TMEM132D: variants seen among roughly 807,000 people sequenced by gnomAD.
TMEM132D encodes the protein transmembrane protein 132D.
A neutral mutation model predicts 62.3 loss-of-function variants in TMEM132D; 21 were observed. The observed-to-expected ratio is 0.34, with a 90% CI of 0.24 to 0.49. The LOEUF (loss-of-function observed/expected upper bound fraction) is 0.49, where lower values mean the gene tolerates loss of function less well. TMEM132D is among the 20% of genes least tolerant of loss of function. The pLI is 0.99. For synonymous variants in TMEM132D, 621 were observed against 575.6 expected (o/e 1.08, Z -1.13); for missense variants, 1,346 against 1,402.8 (o/e 0.96, Z 0.65).
chr12:129,654,623 T>C (rs1037929468), intron 2 of TMEM132D, among the ~76,000 whole-genome samples: 2 of 152,182 alleles, frequency 1.3e-5, no homozygotes, highest in Admixed American at 6.5e-5. Flanking sequence ...ACAAAATTCA[T>C]GCTTTGTGAC....
intron 2 of TMEM132D, among the ~76,000 whole-genome samples, chr12:129,536,382 A>G (rs1876389891): frequency 6.6e-6 from 1 of 151,204 alleles, no homozygotes; most frequent in Admixed American, 6.6e-5. Context: ...ACTTTCTCTC[A>G]TTAATAGTGA....
intron 3 of TMEM132D, among the ~76,000 whole-genome samples, chr12:129,457,678 A>T (rs1873520641): frequency 6.6e-6 from 1 of 152,162 alleles, no homozygotes; most frequent in Non-Finnish European, 1.5e-5. Flanking sequence ...GGAAACTTAC[A>T]ATCATGTCGG....
At chr12:129,524,933 T>G (rs1282150285) in intron 3 of TMEM132D, among the ~76,000 whole-genome samples, 1 of 124,582 alleles carries the variant, frequency 8.0e-6, no homozygotes, top group Non-Finnish European at 1.7e-5. Flanking sequence ...TTTTCTTTTT[T>G]TTTTTTTTTT....
chr12:129,305,903 G>A (rs563985394), intron 4 of TMEM132D, among the ~76,000 whole-genome samples: 59 of 152,204 alleles, frequency 3.9e-4, no homozygotes, highest in South Asian at 1.9e-3. Flanking sequence ...ACAAAGCAGA[G>A]AGAGAAAAAA....
At chr12:129,419,120 G>A (rs547806491) in intron 3 of TMEM132D, among the ~76,000 whole-genome samples, 10 of 152,134 alleles carry the variant, frequency 6.6e-5, no homozygotes, top group Non-Finnish European at 1.0e-4. Context: ...GTGGGACTTC[G>A]TTATGTAAAA....
intron 4 of TMEM132D, among the ~76,000 whole-genome samples, chr12:129,310,001 T>C (rs1881934573): frequency 6.6e-6 from 1 of 151,864 alleles, no homozygotes; most frequent in Admixed American, 6.6e-5. Flanking sequence ...GCCAGACTCC[T>C]AAGCATTTCC....
intron 3 of TMEM132D, among the ~76,000 whole-genome samples, chr12:129,512,115 A>G (rs961915642): frequency 6.6e-6 from 1 of 152,174 alleles, no homozygotes; most frequent in African/African-American, 2.4e-5. Flanking sequence ...TACTCAAATA[A>G]TTCCTGATTA....
At chr12:129,257,065 T>C (rs1335699803) in intron 4 of TMEM132D, among the ~76,000 whole-genome samples, 5 of 152,104 alleles carry the variant, frequency 3.3e-5, no homozygotes, top group African/African-American at 9.7e-5. Context: ...ACACACAACA[T>C]ATCATGGGTG....
chr12:129,796,220 T>C (rs1871556701), intron 1 of TMEM132D, among the ~76,000 whole-genome samples: 1 of 152,032 alleles, frequency 6.6e-6, no homozygotes, highest in African/African-American at 2.4e-5. Context: ...AAGGAAAACA[T>C]CATATAAAAC....
In TMEM132D at chr12:129,228,109, G is replaced by A. The variant is rs1257731379; in HGVS notation, c.1300-18446C>T. On this transcript the variant is annotated intron_variant, in intron 4 of 8. Coordinates refer to ENST00000422113, the MANE Select transcript of TMEM132D (RefSeq NM_133448.3). ...TGGGTGGATGGTAACAAAACATGGT[G>A]TAGACAGTGTGAAGAAGCATGAGAC... 2.0e-5 allele frequency among the ~76,000 whole-genome samples: 3 copies of A among 151,990 alleles called. No homozygotes were observed. In the East Asian group the frequency reaches 5.9e-4, roughly 30 times the overall value.
Position 129,531,132 on chromosome 12 carries a change from G to C in TMEM132D, c.1042C>G (p.Arg348Gly). ...SSPSIWDVKE[R>G]TDYTGKYAPA... ...GCATACTTTCCAGTATAATCCGTGC[G>C]CTCCTTGACATCCCAAATGGAAGGG... is the stretch of plus-strand genomic sequence containing the variant. The change falls in exon 3 of 9, where the codon CGC becomes GGC. Residue 348 changes from arginine (R) to glycine (G), a missense_variant. Coordinates refer to ENST00000422113, the MANE Select transcript of TMEM132D (RefSeq NM_133448.3). 3.7e-6 allele frequency: 6 copies of C among 1,613,886 alleles called. No homozygotes were observed. The highest frequency in any genetic ancestry group is 5.1e-6 in the Non-Finnish European group (6 of 1,179,916).
At chr12:129,755,116 CTGGAT>C (rs1291719907) in intron 1 of TMEM132D, among the ~76,000 whole-genome samples, 9 of 152,228 alleles carry the variant, frequency 5.9e-5, no homozygotes, top group African/African-American at 2.2e-4. Context: ...CTATTTGCCA[CTGGAT>C]TGGAGTTCAC....
At chr12:129,257,059 A>T (rs1389237730) in intron 4 of TMEM132D, among the ~76,000 whole-genome samples, 1 of 152,186 alleles carries the variant, frequency 6.6e-6, no homozygotes, top group Non-Finnish European at 1.5e-5. Context: ...TAGTCCACAC[A>T]CAACATATCA....
intron 5 of TMEM132D, among the ~76,000 whole-genome samples, chr12:129,189,474 A>G (rs1878322237): frequency 6.6e-6 from 1 of 152,100 alleles, no homozygotes; most frequent in Non-Finnish European, 1.5e-5. Flanking sequence ...CATGGTGAGG[A>G]AAGAGGGCTA....
intron 1 of TMEM132D, among the ~76,000 whole-genome samples, chr12:129,800,926 C>A (rs377143214): frequency 2.6e-5 from 4 of 152,172 alleles, no homozygotes; most frequent in African/African-American, 9.7e-5. Flanking sequence ...TCAGGGAGTT[C>A]CCTTTCCTAG....
At chr12:129,696,717 C>A (rs1304283963) in intron 2 of TMEM132D, among the ~76,000 whole-genome samples, 1 of 152,162 alleles carries the variant, frequency 6.6e-6, no homozygotes, top group African/African-American at 2.4e-5. Context: ...GCCTTGCTCT[C>A]AGTGGGGGAG....
chr12:129,885,885 T>G (rs1593198957), intron 1 of TMEM132D, among the ~76,000 whole-genome samples: 1 of 152,348 alleles, frequency 6.6e-6, no homozygotes, highest in East Asian at 1.9e-4. Flanking sequence ...GTTACTTTGT[T>G]CCATTTTCTC....
chr12:129,314,328 A>C (rs78471696), intron 4 of TMEM132D, among the ~76,000 whole-genome samples: 1,923 of 152,208 alleles, frequency 0.013, 44 homozygotes, highest in African/African-American at 0.044. Context: ...CATTCTCCTA[A>C]AAGTGGCTAG....
intron 3 of TMEM132D, among the ~76,000 whole-genome samples, chr12:129,398,868 A>C (rs532675801): frequency 7.7e-6 from 1 of 130,082 alleles, no homozygotes; most frequent in Admixed American, 7.0e-5. Context: ...CCATCCATCC[A>C]TCCATCCATC....
Sources: gnomAD v4.1 joint callset for allele counts (sites outside exome capture counted in the v4.1 genomes callset) on GRCh38, gnomAD v4.1.1 for gene constraint, MANE v1.5 for transcripts, NCBI Gene and HGNC (gene_info 2026-07-23, HGNC 2026-07-21) for gene names.